ARHGEF18: variants seen among roughly 807,000 people sequenced by gnomAD.
ARHGEF18 encodes the protein rho guanine nucleotide exchange factor 18.
In ARHGEF18, 93 loss-of-function variants were observed where a neutral mutation model predicts 155.7. The ratio of observed to expected loss-of-function variants is 0.60; its 90% CI spans 0.50 to 0.71. The LOEUF (loss-of-function observed/expected upper bound fraction) is 0.71. Among genes scored for constraint, ARHGEF18 ranks in the 30% least tolerant of loss-of-function variants. The probability of loss-of-function intolerance (pLI) is 0.00; values close to 1 mark genes in which losing one functional copy is unlikely to be tolerated. For synonymous variants in ARHGEF18, 742 were observed against 753.1 expected (o/e 0.99, Z 0.24); for missense variants, 1,593 against 1,816.1 (o/e 0.88, Z 2.23).
Position 7,470,066 on chromosome 19 carries a change from G to C in ARHGEF18, c.3913+37G>C. On this transcript the variant is annotated intron_variant, in intron 28 of 28. Coordinates refer to ENST00000668164, the MANE Select transcript of ARHGEF18 (RefSeq NM_001367823.1). The surrounding 1 kb of genome is among the most constrained non-coding windows in gnomAD (Gnocchi z 5.9). ...CCCCCTGACATGAGCCCAGTCCCAG[G>C]GCAGCGGGGCTGCGGCACCACCCGG... 2 of 1,611,356 alleles carry C rather than the reference G, an allele frequency of 1.2e-6. No homozygotes were observed. Among genetic ancestry groups the C allele is most frequent in the Non-Finnish European group, 1.7e-6 (2 of 1,179,138 alleles).
chr19:7,387,816 C>A (rs2145489313), intron 10 of ARHGEF18, among the ~76,000 whole-genome samples: 1 of 152,040 alleles, frequency 6.6e-6, no homozygotes, highest in East Asian at 1.9e-4. Flanking sequence ...ATTACAGGTA[C>A]CTGCCACCAT....
At chr19:7,381,031 T>C in intron 8 of ARHGEF18, 37 bp downstream of exon 8, 2 of 1,226,236 alleles carry the variant, frequency 1.6e-6, no homozygotes, top group Non-Finnish European at 2.0e-6. Flanking sequence ...AGGGCAGCCT[T>C]GGATTCGAAC....
At chr19:7,354,445 A>C (rs1854563910) in intron 1 of ARHGEF18, among the ~76,000 whole-genome samples, 2 of 152,310 alleles carry the variant, frequency 1.3e-5, no homozygotes, top group South Asian at 2.1e-4. Flanking sequence ...GGAGTCACAC[A>C]GCAAGTACGT....
chr19:7,385,839 C>A (rs980088341), intron 10 of ARHGEF18, among the ~76,000 whole-genome samples: 6 of 90,484 alleles, frequency 6.6e-5, no homozygotes, highest in African/African-American at 1.3e-4. Flanking sequence ...CTCTATCTCT[C>A]TCTCTCTCTC....
At chr19:7,460,039 C>A in intron 20 of ARHGEF18, 45 bp downstream of exon 20, 1 of 1,534,506 alleles carries the variant, frequency 6.5e-7, no homozygotes, top group Non-Finnish European at 8.8e-7. Context: ...TGTGGTGAGC[C>A]CTGGGCCCTC....
At position 7,472,261 on chromosome 19, in the gene ARHGEF18, C is replaced by T. The variant is rs569070218; in HGVS notation, c.*1963C>T. The T allele has an allele frequency of 5.4e-4, 82 of 152,502 alleles. No homozygotes were observed. Among genetic ancestry groups the T allele is most frequent in the Middle Eastern group, 3.4e-3 (1 of 294 alleles). 9.4% of individuals were successfully genotyped at this position (152,502 alleles called of 1,614,324 possible). On this transcript the variant is annotated 3_prime_UTR_variant, in exon 29 of 29. Coordinates refer to ENST00000668164, the MANE Select transcript of ARHGEF18 (RefSeq NM_001367823.1). ...CCTTCCCTCGCCAGTGCCCCTCGGC[C>T]ACTCCTGGGTTGGAGCCCGATTTTA...
intron 1 of ARHGEF18, among the ~76,000 whole-genome samples, chr19:7,352,082 T>G (rs895731220): frequency 1.3e-5 from 2 of 152,312 alleles, no homozygotes; most frequent in Non-Finnish European, 1.5e-5. Context: ...CATGAGGTTC[T>G]GTCTTCTAGT....
intron 1 of ARHGEF18, among the ~76,000 whole-genome samples, chr19:7,360,083 A>G (rs1969483224): frequency 6.6e-6 from 1 of 152,046 alleles, no homozygotes; most frequent in African/African-American, 2.4e-5. Context: ...TGTACCCAGG[A>G]GGTGGAGACT....
chr19:7,384,087 C>T (rs1436717608), intron 10 of ARHGEF18, among the ~76,000 whole-genome samples: 2 of 152,128 alleles, frequency 1.3e-5, no homozygotes, highest in Non-Finnish European at 2.9e-5. Flanking sequence ...ATGCGTGCGC[C>T]GTTTGTAACC....
intron 10 of ARHGEF18, among the ~76,000 whole-genome samples, chr19:7,408,322 G>A (rs1421891094): frequency 6.6e-6 from 1 of 152,136 alleles, no homozygotes; most frequent in Non-Finnish European, 1.5e-5. Flanking sequence ...AGGCTTTGCA[G>A]CCCACATAGC....
intron 27 of ARHGEF18, 39 bp downstream of exon 27, chr19:7,469,170 G>A (rs754403533): frequency 6.8e-5 from 104 of 1,536,076 alleles, no homozygotes; most frequent in Non-Finnish European, 8.2e-5. Flanking sequence ...CCTGGAAGGT[G>A]CAACTGGTCA....
At chr19:7,375,926 A>C in intron 4 of ARHGEF18, 56 bp downstream of exon 4, 1 of 1,233,662 alleles carries the variant, frequency 8.1e-7, no homozygotes, top group Non-Finnish European at 1.0e-6. Context: ...TTTAGAAAGC[A>C]GTGCTATAGG....
chr19:7,353,968 A>AG (rs1555696850), intron 1 of ARHGEF18, among the ~76,000 whole-genome samples: 68 of 150,956 alleles, frequency 4.5e-4, no homozygotes, highest in Non-Finnish European at 5.6e-4. Flanking sequence ...AAAAAAAAAA[A>AG]AAAGAAAGAA....
At chr19:7,477,361 C>T, downstream of ARHGEF18, 1 of 1,558,640 alleles carries the variant, frequency 6.4e-7, no homozygotes, top group South Asian at 1.2e-5. Flanking sequence ...CCAGGTCGGC[C>T]AGGTTGCTGA....
At chr19:7,464,281 G>A (rs950099091) in intron 22 of ARHGEF18, among the ~76,000 whole-genome samples, 16 of 152,014 alleles carry the variant, frequency 1.1e-4, no homozygotes, top group African/African-American at 3.9e-4. Context: ...CAGGTGATCC[G>A]CCCGCCTCAG....
intron 1 of ARHGEF18, among the ~76,000 whole-genome samples, chr19:7,357,338 CT>C (rs1387364665): frequency 6.6e-6 from 1 of 152,242 alleles, no homozygotes; most frequent in African/African-American, 2.4e-5. Context: ...TTCTGTCCCT[CT>C]TGTGGCTGCT....
chr19:7,474,482 A>G (rs1426980297), downstream of ARHGEF18, among the ~76,000 whole-genome samples: 2 of 152,018 alleles, frequency 1.3e-5, no homozygotes, highest in African/African-American at 2.4e-5. Flanking sequence ...AGGTTCAAGT[A>G]ATTATCCTGC....
At chr19:7,458,980 T>G (rs1976023108) in intron 19 of ARHGEF18, among the ~76,000 whole-genome samples, 1 of 152,208 alleles carries the variant, frequency 6.6e-6, no homozygotes, top group East Asian at 1.9e-4. Flanking sequence ...GCATGGCATC[T>G]TGTCCTTCCT....
At chr19:7,405,636 G>C (rs1347680039) in intron 10 of ARHGEF18, among the ~76,000 whole-genome samples, 1 of 151,822 alleles carries the variant, frequency 6.6e-6, no homozygotes, top group Non-Finnish European at 1.5e-5. Flanking sequence ...TTTGAAACAG[G>C]GTCTTGCTCT....
Sources: allele counts gnomAD v4.1 joint callset (sites outside exome capture counted in the v4.1 genomes callset), GRCh38; gene constraint gnomAD v4.1.1; non-coding constraint Gnocchi (gnomAD v3.1); transcripts MANE v1.5; gene names NCBI Gene and HGNC (gene_info 2026-07-23, HGNC 2026-07-21).